The following PAQR6 variants were observed in gnomAD, a reference collection of about 807,000 sequenced individuals.
The protein encoded by PAQR6 is progestin and adipoQ receptor family member 6, also known as membrane progestin receptor delta.
A neutral mutation model predicts 36.2 loss-of-function variants in PAQR6; 34 were observed. That is an observed-to-expected ratio of 0.94 (90% CI 0.71 to 1.25). PAQR6 has a LOEUF of 1.25. Ranked by LOEUF, PAQR6 falls within the 50% of genes most tolerant of loss-of-function variation. The pLI is 0.00. For missense variants in PAQR6, 431 were observed against 445.7 expected (o/e 0.97, Z 0.30); for synonymous variants, 190 against 190.7 (o/e 1.00, Z 0.03).
chr1:156,246,145 A>G lies in PAQR6; in HGVS notation c.157T>C (p.Trp53Arg), dbSNP rs1232616384. The change falls in exon 3 of 8, where the codon TGG becomes CGG. Residue 53 changes from tryptophan to arginine, a missense_variant. Coordinates refer to ENST00000292291, the MANE Select transcript of PAQR6 (RefSeq NM_198406.3). ...CACCAGGTGGGCAGGAAGTGAGTCC[A>G]GATGTTGACCGTCTCGTTGGTCATC... ...FQMTNETVNI[W>R]THFLPTWYFL... 6.2e-7 allele frequency: 1 copy of G among 1,613,038 alleles called. No homozygotes were observed. The highest frequency in any genetic ancestry group is 1.7e-5 in the Admixed American group (1 of 60,032).
intron 1 of PAQR6, among the ~76,000 whole-genome samples, chr1:156,247,112 C>G (rs1244350914): frequency 2.6e-5 from 4 of 152,210 alleles, no homozygotes; most frequent in Non-Finnish European, 5.9e-5. Flanking sequence ...GAGGCCAGCA[C>G]AGAGACAGCC....
intron 6 of PAQR6, 111 bp downstream of exon 6, chr1:156,245,031 A>G: frequency 6.3e-7 from 1 of 1,597,898 alleles, no homozygotes; most frequent in Non-Finnish European, 8.5e-7. Flanking sequence ...CTGGACCCCA[A>G]GAGAGGCGGC....
At chr1:156,244,996 CG>C in intron 6 of PAQR6, 85 bp from the exon 7 acceptor site, 1 of 1,591,798 alleles carries the variant, frequency 6.3e-7, no homozygotes, top group Admixed American at 1.7e-5. Context: ...GGACGCAGAG[CG>C]GGCGGGCACA....
rs745386586 is a variant in PAQR6, at chr1:156,244,200, G to A, written c.964C>T (p.Arg322Trp). 13 of 1,613,188 alleles carry A rather than the reference G, an allele frequency of 8.1e-6. No individual in the cohort carries two copies. The highest frequency in any genetic ancestry group is 2.7e-5 in the African/African-American group (2 of 75,042). ...AGCAGAGGGCATGTACTGGGGGCCCGAAGCAGGGTGGCTGTGAAAGCAGCA... is the reference window on the plus strand; with the variant it reads ...AGCAGAGGGCATGTACTGGGGGCCCAAAGCAGGGTGGCTGTGAAAGCAGCA... ...IIAAFTATLLRAPSTCPLLQG... is the reference protein window; with the variant it reads ...IIAAFTATLLWAPSTCPLLQG... The change falls in exon 8 of 8, where the codon CGG becomes TGG. Residue 322 changes from arginine to tryptophan, a missense_variant. Coordinates refer to ENST00000292291, the MANE Select transcript of PAQR6 (RefSeq NM_198406.3).
At chr1:156,245,037 G>A in intron 6 of PAQR6, 105 bp downstream of exon 6, 2 of 1,597,340 alleles carry the variant, frequency 1.3e-6, no homozygotes, top group Non-Finnish European at 1.7e-6. Context: ...CCCAAGAGAG[G>A]CGGCTGGGCT....
At chr1:156,245,362 G>A in intron 5 of PAQR6, 124 bp from the exon 6 acceptor site, 2 of 1,356,954 alleles carry the variant, frequency 1.5e-6, no homozygotes, top group Non-Finnish European at 2.1e-6. Flanking sequence ...AACCGTTAGG[G>A]CATATGACCT....
In PAQR6 at chr1:156,244,364, C is replaced by T. The variant is rs771678888; in HGVS notation, c.800G>A (p.Gly267Asp). 6.4e-7 allele frequency: 1 copy of T among 1,570,434 alleles called. No individual in the cohort carries two copies. Reference protein sequence around the residue: ...HQLFHICAVLGTHFQLEAVLA... With the variant: ...HQLFHICAVLDTHFQLEAVLA... ...CACTGCCTCCAGCTGGAAGTGGGTG[C>T]CCAGCACTGCACAGATGTGGAATAA... Residue 267 changes from glycine to aspartate, a missense_variant, in exon 8 of 8, where the codon GGC becomes GAC. Gly to Asp is a moderately conservative substitution (Grantham distance 94, BLOSUM62 -1). Transcript: ENST00000292291.
chr1:156,247,671 A>T (rs1341137284), intron 1 of PAQR6: 1 of 175,096 alleles, frequency 5.7e-6, no homozygotes, highest in African/African-American at 2.4e-5. Flanking sequence ...CCTGCACCCC[A>T]GCAGAACAAA....
rs1235387457 is a variant in PAQR6, at chr1:156,243,675, G to T, written c.*454C>A. The T allele has an allele frequency of 3.4e-5, 25 of 731,586 alleles. No individual in the cohort carries two copies. The East Asian group carries it at 6.1e-4, about 18-fold the overall frequency. The allele number at this position is 731,586 out of a possible 1,614,324, so 45.3% of individuals were successfully genotyped here. A position where few individuals can be genotyped will look rare whatever the true frequency, so the allele number is the denominator to read the frequency against. Reference sequence around the variant, plus strand: ...GCAAACTGGCATTACCTGGTTTGTGGGGATGGGGGGGCAAGTGTGTGGCCT... The same window carrying T: ...GCAAACTGGCATTACCTGGTTTGTGTGGATGGGGGGGCAAGTGTGTGGCCT... On this transcript the variant is annotated 3_prime_UTR_variant, in exon 8 of 8. Transcript: ENST00000292291.
chr1:156,245,077 A>C, intron 6 of PAQR6, 65 bp downstream of exon 6: 1 of 1,603,296 alleles, frequency 6.2e-7, no homozygotes, highest in Non-Finnish European at 8.5e-7. Context: ...CAGGGCTGGA[A>C]GTGGGCACCT....
At chr1:156,247,876 TGG>T in intron 1 of PAQR6, 79 bp downstream of exon 1, 1 of 389,312 alleles carries the variant, frequency 2.6e-6, no homozygotes, top group Admixed American at 3.0e-5. Flanking sequence ...GCAGTTGCTA[TGG>T]AAATGGGGGA....
chr1:156,244,963 G>C, intron 6 of PAQR6, 52 bp from the exon 7 acceptor site: 1 of 1,599,376 alleles, frequency 6.3e-7, no homozygotes, highest in Non-Finnish European at 8.5e-7. Flanking sequence ...GCCGAAACAT[G>C]GGGTGTGTCT....
At position 156,244,254 on chromosome 1, in the gene PAQR6, A is replaced by AGACCAGTGT. The variant is rs1159645902; in HGVS notation, c.901_909dup (p.Thr301_Val303dup). The AGACCAGTGT allele has an allele frequency of 6.2e-7, 1 of 1,613,618 alleles. No homozygotes were observed. Among genetic ancestry groups the AGACCAGTGT allele is most frequent in the Admixed American group, 1.7e-5 (1 of 60,008 alleles). On this transcript the variant is annotated inframe_insertion, in exon 8 of 8. Coordinates refer to ENST00000292291, the MANE Select transcript of PAQR6 (RefSeq NM_198406.3). ...ATGAGTAGGTTCCCAGCTGCAGCCA[A>AGACCAGTGT]GACCAGTGTGGCCACTGTGCCTGCC...
At position 156,245,563 on chromosome 1, in the gene PAQR6, G is replaced by A; in HGVS notation, c.484C>T (p.Leu162=). The change falls in exon 5 of 8, where the codon CTG becomes TTG. Residue 162 remains leucine, a synonymous_variant. Transcript: ENST00000292291. ...FVPAAALNSF[L]CTGLSCYSRF... Reference sequence around the variant, plus strand: ...GAGTAGCAGGAGAGGCCGGTGCACAGGAAGGAGTTGAGTGCGGCGGCAGGC... The same window carrying A: ...GAGTAGCAGGAGAGGCCGGTGCACAAGAAGGAGTTGAGTGCGGCGGCAGGC... The A allele has an allele frequency of 6.2e-7, 1 of 1,612,618 alleles. No individual in the cohort carries two copies. The highest frequency in any genetic ancestry group is 8.5e-7 in the Non-Finnish European group (1 of 1,180,010).
At chr1:156,244,702 G>C in intron 7 of PAQR6, 59 bp downstream of exon 7, 1 of 1,613,144 alleles carries the variant, frequency 6.2e-7, no homozygotes, top group African/African-American at 1.3e-5. Flanking sequence ...AGTTCATTCT[G>C]TGCTCTGGGA....
chr1:156,244,068 C>T lies in PAQR6; in HGVS notation c.*61G>A, dbSNP rs1340888140. Reference sequence around the variant, plus strand: ...CCACCTGATTAGGCCCAAATCTGGGCTCCTCGTCAGCACTGGGGCCTGGCC... The same window carrying T: ...CCACCTGATTAGGCCCAAATCTGGGTTCCTCGTCAGCACTGGGGCCTGGCC... On this transcript the variant is annotated 3_prime_UTR_variant, in exon 8 of 8. Transcript: ENST00000292291. 3 of 1,613,548 alleles carry T rather than the reference C, an allele frequency of 1.9e-6. No individual in the cohort carries two copies. Among genetic ancestry groups the T allele is most frequent in the Non-Finnish European group, 2.5e-6 (3 of 1,179,672 alleles).
chr1:156,243,955 A>G lies in PAQR6; in HGVS notation c.*174T>C, dbSNP rs1659738455. The stretch of plus-strand genomic sequence containing the variant: ...CTCACGGTCCCTCTCACACTCTGCC[A>G]GTCCCCCTAGACACCCCTCCTCTTC... On this transcript the variant is annotated 3_prime_UTR_variant, in exon 8 of 8. Transcript: ENST00000292291. 1 of 1,614,022 alleles carries G rather than the reference A, an allele frequency of 6.2e-7. No individual in the cohort carries two copies. Among genetic ancestry groups the G allele is most frequent in the Non-Finnish European group, 8.5e-7 (1 of 1,179,960 alleles).
At chr1:156,246,573 G>T in intron 2 of PAQR6, 108 bp downstream of exon 2, 2 of 1,276,264 alleles carry the variant, frequency 1.6e-6, no homozygotes, top group Non-Finnish European at 2.2e-6. Flanking sequence ...GAGGGTAAGA[G>T]TTCGCCTGCA....
rs1659726012 is a variant in PAQR6, at chr1:156,243,913, C to T, written c.*216G>A. On this transcript the variant is annotated 3_prime_UTR_variant, in exon 8 of 8. Transcript: ENST00000292291. ...TCTCAGACCCTCAGCACTTCTTCCA[C>T]TCCCATCAAGAGCCCCCTCACGGTC... The T allele has an allele frequency of 1.2e-6, 2 of 1,613,246 alleles. No homozygotes were observed. Among genetic ancestry groups the T allele is most frequent in the African/African-American group, 1.3e-5 (1 of 74,918 alleles).
Sources: gnomAD v4.1 joint callset for allele counts (sites outside exome capture counted in the v4.1 genomes callset) on GRCh38, gnomAD v4.1.1 for gene constraint, MANE v1.5 for transcripts, NCBI Gene and HGNC (gene_info 2026-07-23, HGNC 2026-07-21) for gene names.